Variants in NIM1K observed in about 807,000 individuals in gnomAD.
NIM1K encodes NIM1 serine/threonine protein kinase.
In NIM1K, 35 loss-of-function variants were observed where a neutral mutation model predicts 37.1. That is an observed-to-expected ratio of 0.94 (90% CI 0.72 to 1.25). NIM1K has a LOEUF of 1.25. Among genes scored for constraint, NIM1K ranks in the 50% most tolerant of loss-of-function variants. The pLI is 0.00. For synonymous variants in NIM1K, 234 were observed against 206.6 expected, an observed-to-expected ratio of 1.13 and a Z score of -1.14; for missense variants, 564 against 548.0, an observed-to-expected ratio of 1.03 and a Z score of -0.29.
At chr5:43,213,148 A>G (rs1326114612) in intron 1 of NIM1K, among the ~76,000 whole-genome samples, 1 of 141,612 alleles carries the variant, frequency 7.1e-6, no homozygotes, top group Non-Finnish European at 1.5e-5. Flanking sequence ...AAAAATCTCC[A>G]TTTTCTTTCT....
chr5:43,254,620 A>G (rs919350912), intron 2 of NIM1K, among the ~76,000 whole-genome samples: 1 of 152,214 alleles, frequency 6.6e-6, no homozygotes, highest in African/African-American at 2.4e-5. Flanking sequence ...CGAGGGAGCA[A>G]TGCATAGCAG....
intron 2 of NIM1K, among the ~76,000 whole-genome samples, chr5:43,263,061 T>C (rs1022494940): frequency 2.6e-5 from 4 of 152,146 alleles, no homozygotes; most frequent in Admixed American, 6.6e-5. Flanking sequence ...GGGATATTGG[T>C]GAAAATTCTC....
intron 1 of NIM1K, among the ~76,000 whole-genome samples, chr5:43,241,333 CTTT>C (rs56409754): frequency 1.3e-4 from 18 of 135,270 alleles, no homozygotes; most frequent in South Asian, 4.7e-4. Context: ...TTTTCTTTTT[CTTT>C]TTTTTTTTTT....
At chr5:43,207,369 G>C (rs1752133011) in intron 1 of NIM1K, 1 of 805,714 alleles carries the variant, frequency 1.2e-6, no homozygotes, top group African/African-American at 1.7e-5. Context: ...GTGATCAATA[G>C]ATGAAAGAAA....
At chr5:43,213,132 T>C (rs1470497468) in intron 1 of NIM1K, among the ~76,000 whole-genome samples, 1 of 151,888 alleles carries the variant, frequency 6.6e-6, no homozygotes, top group African/African-American at 2.4e-5. Context: ...GATTCAAAAC[T>C]TTGAAAAAAA....
At chr5:43,233,334 C>A (rs1052752302) in intron 1 of NIM1K, among the ~76,000 whole-genome samples, 11 of 151,888 alleles carry the variant, frequency 7.2e-5, no homozygotes, top group Non-Finnish European at 1.5e-4. Flanking sequence ...AAAACTTAAC[C>A]TTCCTCTTGT....
At chr5:43,203,854 C>A (rs374728776) in intron 1 of NIM1K, among the ~76,000 whole-genome samples, 2 of 151,736 alleles carry the variant, frequency 1.3e-5, no homozygotes, top group Admixed American at 6.6e-5. Context: ...GGTGAAACCC[C>A]GTCTCTACTA....
chr5:43,271,473 A>G (rs1238176134), intron 2 of NIM1K, among the ~76,000 whole-genome samples: 1 of 152,166 alleles, frequency 6.6e-6, no homozygotes, highest in Non-Finnish European at 1.5e-5. Flanking sequence ...TCAGTAGTAC[A>G]TGGATACACT....
intron 2 of NIM1K, among the ~76,000 whole-genome samples, chr5:43,268,522 A>G (rs1449843122): frequency 1.3e-5 from 2 of 151,980 alleles, no homozygotes; most frequent in Non-Finnish European, 2.9e-5. Context: ...GTGGGTCCAT[A>G]TGGGTCCAAG....
intron 1 of NIM1K, among the ~76,000 whole-genome samples, chr5:43,204,598 G>C (rs1221810025): frequency 6.6e-6 from 1 of 151,856 alleles, no homozygotes; most frequent in Non-Finnish European, 1.5e-5. Flanking sequence ...CCAGTGACTT[G>C]GGAGGCGGAG....
intron 1 of NIM1K, among the ~76,000 whole-genome samples, chr5:43,211,551 A>G (rs1212684275): frequency 2.6e-5 from 4 of 152,188 alleles, no homozygotes; most frequent in African/African-American, 9.7e-5. Context: ...ATGTCAATAT[A>G]TCATATTCTG....
intron 2 of NIM1K, 87 bp from the exon 3 acceptor site, chr5:43,276,970 T>G (rs1753350977): frequency 7.5e-7 from 1 of 1,342,054 alleles, no homozygotes; most frequent in African/African-American, 1.5e-5. Context: ...CTCTGTCTAG[T>G]AAAGGAAAGG....
rs1752762589 is a variant in NIM1K, at chr5:43,245,502, T to C, written c.-274T>C. 8.7e-6 allele frequency: 3 copies of C among 346,758 alleles called. No homozygotes were observed. Among genetic ancestry groups the C allele is most frequent in the Non-Finnish European group, 1.0e-5 (2 of 191,718 alleles). The allele number at this position is 346,758 out of a possible 1,614,324, so 21.5% of individuals were successfully genotyped here. On this transcript the variant is annotated 5_prime_UTR_variant, in exon 2 of 4. Transcript: ENST00000326035. ...CAGTGGGTATGTAACATGTGCCTAA[T>C]TGTACAGCTAGAGCCTGCAAGTTCA...
At chr5:43,249,850 G>GTTT (rs70994677) in intron 2 of NIM1K, among the ~76,000 whole-genome samples, 99 of 116,180 alleles carry the variant, frequency 8.5e-4, no homozygotes, top group Non-Finnish European at 9.2e-4. Flanking sequence ...GTATGGATTA[G>GTTT]TTTTTTTTTT....
intron 2 of NIM1K, among the ~76,000 whole-genome samples, chr5:43,250,928 T>C (rs1290498872): frequency 1.3e-5 from 2 of 152,196 alleles, no homozygotes; most frequent in African/African-American, 4.8e-5. Flanking sequence ...TTATCTGAAA[T>C]ACTCATTCAG....
At chr5:43,217,770 A>G (rs1752323182) in intron 1 of NIM1K, among the ~76,000 whole-genome samples, 1 of 133,636 alleles carries the variant, frequency 7.5e-6, no homozygotes, top group African/African-American at 2.9e-5. Context: ...GCTGGAGTTC[A>G]GTGGCACTAT....
chr5:43,280,798 T>C lies in NIM1K; in HGVS notation c.*69T>C. The C allele has an allele frequency of 7.2e-7, 1 of 1,380,066 alleles. No individual in the cohort carries two copies. The highest frequency in any genetic ancestry group is 2.4e-5 in the Admixed American group (1 of 42,186). 85.5% of individuals were successfully genotyped at this position (1,380,066 alleles called of 1,614,324 possible). A position where few individuals can be genotyped will look rare whatever the true frequency, so the allele number is the denominator to read the frequency against. On this transcript the variant is annotated 3_prime_UTR_variant, in exon 4 of 4. Transcript: ENST00000326035. ...CTTCTAAATTTTTTTCAAGGACAAC[T>C]TGAGTGGAGACATTTTTGTAATTTT...
intron 1 of NIM1K, among the ~76,000 whole-genome samples, chr5:43,197,334 C>T (rs1238029409): frequency 2.0e-5 from 3 of 149,340 alleles, no homozygotes; most frequent in Admixed American, 1.3e-4. Flanking sequence ...GTAGGGGGGG[C>T]GGGCCTCTCT....
intron 1 of NIM1K, among the ~76,000 whole-genome samples, chr5:43,201,567 T>C (rs1266785033): frequency 6.6e-6 from 1 of 152,206 alleles, no homozygotes; most frequent in East Asian, 1.9e-4. Context: ...TTCTTAGAAC[T>C]GATGACACAA....
Sources: gnomAD v4.1 joint callset for allele counts (sites outside exome capture counted in the v4.1 genomes callset) on GRCh38, gnomAD v4.1.1 for gene constraint, MANE v1.5 for transcripts, NCBI Gene and HGNC (gene_info 2026-07-23, HGNC 2026-07-21) for gene names.